C1orf52: variants seen among roughly 807,000 people sequenced by gnomAD.
The protein encoded by C1orf52 is UPF0690 protein C1orf52.
C1orf52 carries 5 observed loss-of-function variants against 17.2 expected under a neutral mutation model. That is an observed-to-expected ratio of 0.29 (90% CI 0.15 to 0.61). The LOEUF (loss-of-function observed/expected upper bound fraction) is 0.61. Ranked by LOEUF, C1orf52 falls within the 20% of genes least tolerant of loss-of-function variation. The pLI, the probability that C1orf52 is intolerant of heterozygous loss-of-function variation, is 0.85. For missense variants in C1orf52, 245 were observed against 234.1 expected (o/e 1.05, Z -0.30); for synonymous variants, 110 against 88.0 (o/e 1.25, Z -1.40).
At chr1:85,254,690 A>G (rs1385164828) in intron 2 of C1orf52, among the ~76,000 whole-genome samples, 1 of 152,042 alleles carries the variant, frequency 6.6e-6, no homozygotes, top group Non-Finnish European at 1.5e-5. Context: ...CGCACCCGGC[A>G]CCTTTTGCTT....
intron 1 of C1orf52, chr1:85,259,072 G>C (rs560389048): frequency 8.2e-6 from 11 of 1,348,044 alleles, no homozygotes; most frequent in African/African-American, 5.9e-5. Flanking sequence ...CTGCAGCGGG[G>C]GGGGCGGGGG....
chr1:85,258,217 G>C (rs1659995375), intron 2 of C1orf52, among the ~76,000 whole-genome samples: 1 of 152,090 alleles, frequency 6.6e-6, no homozygotes, highest in Non-Finnish European at 1.5e-5. Context: ...GAATTGATTT[G>C]TGTTGTTCTA....
At position 85,258,650 on chromosome 1, in the gene C1orf52, GCTT is replaced by G; in HGVS notation, c.346_348del (p.Lys116del). 1 of 1,613,810 alleles carries G rather than the reference GCTT, an allele frequency of 6.2e-7. No homozygotes were observed. Among genetic ancestry groups the G allele is most frequent in the Non-Finnish European group, 8.5e-7 (1 of 1,179,920 alleles). ...GCCATGTCAAGCTCTGGAGGCGGAG[GCTT>G]CTTCTCAGTGGTGTAGGTCTCAGGA... On this transcript the variant is annotated inframe_deletion, in exon 2 of 3. Coordinates refer to ENST00000471115, the MANE Select transcript of C1orf52 (RefSeq NM_198077.4).
At chr1:85,257,712 C>T (rs1273812507) in intron 2 of C1orf52, among the ~76,000 whole-genome samples, 1 of 152,216 alleles carries the variant, frequency 6.6e-6, no homozygotes, top group Non-Finnish European at 1.5e-5. Context: ...TAAAGTAAAA[C>T]AACTCAGTCA....
At chr1:85,259,031 G>A in intron 1 of C1orf52, 1 of 1,337,264 alleles carries the variant, frequency 7.5e-7, no homozygotes, top group South Asian at 1.7e-5. Flanking sequence ...CAGGCACTTC[G>A]GCGTCAAAGG....
chr1:85,258,559 C>G lies in C1orf52; in HGVS notation c.440G>C (p.Arg147Thr). The G allele has an allele frequency of 6.2e-7, 1 of 1,614,180 alleles. No individual in the cohort carries two copies. Among genetic ancestry groups the G allele is most frequent in the Non-Finnish European group, 8.5e-7 (1 of 1,180,020 alleles). The change falls in exon 2 of 3, where the codon AGG becomes ACG. Residue 147 changes from arginine (R) to threonine (T), a missense_variant. Coordinates refer to ENST00000471115, the MANE Select transcript of C1orf52 (RefSeq NM_198077.4). ...DDAPQNAKKA[R>T]LLPEGEETLE... ...CGTCTCCTCCCCTTCTGGTAGAAGC[C>G]TAGCTTTCTTAGCATTCTGTGGAGC...
intron 2 of C1orf52, chr1:85,257,535 G>A (rs1659973551): frequency 2.9e-6 from 2 of 700,480 alleles, no homozygotes; most frequent in Admixed American, 4.5e-5. Flanking sequence ...ACAAGGCCTT[G>A]ACTTTATCCC....
In C1orf52 at chr1:85,258,536, T is replaced by C; in HGVS notation, c.463A>G (p.Thr155Ala). ...KARLLPEGEE[T>A]LESDDEKDEH... is the part of the protein sequence containing the mutation. Reference sequence around the variant, plus strand: ...TGACTTTCCTTACCTGATTCCAACGTCTCCTCCCCTTCTGGTAGAAGCCTA... The same window carrying C: ...TGACTTTCCTTACCTGATTCCAACGCCTCCTCCCCTTCTGGTAGAAGCCTA... The change falls in exon 2 of 3, where the codon ACG becomes GCG. Residue 155 changes from threonine to alanine, a missense_variant. Transcript: ENST00000471115. The C allele has an allele frequency of 6.2e-7, 1 of 1,613,886 alleles. No homozygotes were observed.
At chr1:85,258,464 T>G in intron 2 of C1orf52, 60 bp downstream of exon 2, 1 of 1,378,614 alleles carries the variant, frequency 7.3e-7, no homozygotes, top group East Asian at 2.3e-5. Flanking sequence ...AATATCTCAT[T>G]CTTTTTAAGC....
intron 2 of C1orf52, among the ~76,000 whole-genome samples, chr1:85,253,318 A>C (rs1659848323): frequency 6.6e-6 from 1 of 152,186 alleles, no homozygotes; most frequent in Non-Finnish European, 1.5e-5. Flanking sequence ...TCTAACGATG[A>C]CATTATTTAA....
In C1orf52 at chr1:85,259,473, T is replaced by C. The variant is rs753585460; in HGVS notation, c.161A>G (p.Lys54Arg). The C allele has an allele frequency of 6.2e-7, 1 of 1,613,928 alleles. No individual in the cohort carries two copies. The highest frequency in any genetic ancestry group is 8.5e-7 in the Non-Finnish European group (1 of 1,180,002). Residue 54 changes from lysine (K) to arginine (R), a missense_variant, in exon 1 of 3, where the codon AAG becomes AGG. Transcript: ENST00000471115. ...CAGCTCGTCAGGTCCCGGGAGCCGC[T>C]TCTCCGCCTTGTTCCTACAGCCGCC... ...SAGGCRNKAE[K>R]RLPGPDELFR...
intron 2 of C1orf52, among the ~76,000 whole-genome samples, chr1:85,256,798 C>CAAAAAAAAAA (rs1159075154): frequency 3.2e-5 from 3 of 93,726 alleles, no homozygotes; most frequent in Admixed American, 1.2e-4. Context: ...GACTCCGCCT[C>CAAAAAAAAAA]AAAAAAAAAA....
rs1304931032 is a variant in C1orf52, at chr1:85,250,968, T to C, written c.*1661A>G. On this transcript the variant is annotated 3_prime_UTR_variant, in exon 3 of 3. Transcript: ENST00000471115. The stretch of plus-strand genomic sequence containing the variant: ...TTTGGGATTCATATATTTGCAAACC[T>C]GGAGGATGGGCAGCTATAGAATTGG... 1 of 152,218 alleles carries C rather than the reference T, an allele frequency of 6.6e-6. No individual in the cohort carries two copies. Among genetic ancestry groups the C allele is most frequent in the Admixed American group, 6.5e-5 (1 of 15,278 alleles). 9.4% of individuals were successfully genotyped at this position (152,218 alleles called of 1,614,324 possible). A position where few individuals can be genotyped will look rare whatever the true frequency, so the allele number is the denominator to read the frequency against.
In C1orf52 at chr1:85,259,540, C is replaced by G. The variant is rs1286243415; in HGVS notation, c.94G>C (p.Glu32Gln). ...SSDEEDNIEP[E>Q]ETSRRTPDPA... is the part of the protein sequence containing the mutation. The stretch of plus-strand genomic sequence containing the variant: ...TCCGGGGTTCTGCGACTCGTCTCCT[C>G]CGGCTCGATGTTATCCTCCTCGTCC... The change falls in exon 1 of 3, where the codon GAG becomes CAG. Residue 32 changes from glutamate (E) to glutamine (Q), a missense_variant. By Grantham distance (29) the Glu-to-Gln change is conservative. Coordinates refer to ENST00000471115, the MANE Select transcript of C1orf52 (RefSeq NM_198077.4). The G allele has an allele frequency of 6.2e-7, 1 of 1,613,750 alleles. No individual in the cohort carries two copies. Among genetic ancestry groups the G allele is most frequent in the Non-Finnish European group, 8.5e-7 (1 of 1,179,998 alleles).
rs367843799 is a variant in C1orf52 at position 85,259,310 on chromosome 1, G to C, written c.276+48C>G. ...CCCCAGCAGGGGGCTCAGGAGAAAG[G>C]GGGCGCAGGCCGGGGCCGAGACCGA... On this transcript the variant is annotated intron_variant, in intron 1 of 2. Coordinates refer to ENST00000471115, the MANE Select transcript of C1orf52 (RefSeq NM_198077.4). 109 of 1,586,462 alleles carry C rather than the reference G, an allele frequency of 6.9e-5. 1 individual carries two copies. The highest frequency in any genetic ancestry group is 2.0e-4 in the Admixed American group (12 of 58,780).
chr1:85,253,304 TCA>T (rs1659847993), intron 2 of C1orf52, among the ~76,000 whole-genome samples: 1 of 152,206 alleles, frequency 6.6e-6, no homozygotes. Context: ...AAAATAGGTA[TCA>T]CTCTAACGAT....
At chr1:85,252,833 T>C in intron 2 of C1orf52, 131 bp from the exon 3 acceptor site, 1 of 643,068 alleles carries the variant, frequency 1.6e-6, no homozygotes. Flanking sequence ...AGTTTCCCAA[T>C]AAAAAACAAG....
In C1orf52 at chr1:85,251,477, T is replaced by C. The variant is rs1659800427; in HGVS notation, c.*1152A>G. 6.6e-6 allele frequency: 1 copy of C among 152,212 alleles called. No homozygotes were observed. Among genetic ancestry groups the C allele is most frequent in the Admixed American group, 6.5e-5 (1 of 15,280 alleles). 9.4% of individuals were successfully genotyped at this position (152,212 alleles called of 1,614,324 possible). On this transcript the variant is annotated 3_prime_UTR_variant, in exon 3 of 3. Transcript: ENST00000471115. ...TTCAAAATGCTACAAATAACTGCAT[T>C]TTGGAACTCAACGATCACACCTTCC...
At chr1:85,257,322 T>C in intron 2 of C1orf52, 2 of 632,600 alleles carry the variant, frequency 3.2e-6, no homozygotes, top group Non-Finnish European at 5.7e-6. Context: ...TTAGAGGTGA[T>C]ACCTGAGATT....
Sources: allele counts gnomAD v4.1 joint callset (sites outside exome capture counted in the v4.1 genomes callset), GRCh38; gene constraint gnomAD v4.1.1; transcripts MANE v1.5; gene names NCBI Gene and HGNC (gene_info 2026-07-23, HGNC 2026-07-21).